JAK2: variants seen among roughly 807,000 people sequenced by gnomAD.
JAK2 encodes the protein Janus kinase 2.
Under a neutral mutation model 139.3 loss-of-function variants are expected in JAK2, and 86 were observed. The observed-to-expected ratio is 0.62, with a 90% CI of 0.52 to 0.74. The LOEUF (loss-of-function observed/expected upper bound fraction) is 0.74. Ranked by LOEUF, JAK2 falls within the 30% of genes least tolerant of loss-of-function variation. The pLI, the probability that JAK2 is intolerant of heterozygous loss-of-function variation, is 0.00. For synonymous variants in JAK2, 490 were observed against 437.7 expected (o/e 1.12, Z -1.49); for missense variants, 1,421 against 1,360.3 (o/e 1.04, Z -0.70).
intron 10 of JAK2, among the ~76,000 whole-genome samples, chr9:5,067,121 A>G (rs898462964): frequency 1.3e-5 from 2 of 152,184 alleles, no homozygotes; most frequent in Non-Finnish European, 2.9e-5. Flanking sequence ...TCTTTGCCAC[A>G]TCATGTAGAA....
Position 5,128,291 on chromosome 9 carries a change from A to C in JAK2, c.*1500A>C, listed in dbSNP as rs1586851065. On this transcript the variant is annotated 3_prime_UTR_variant, in exon 25 of 25. Coordinates refer to ENST00000381652, the MANE Select transcript of JAK2 (RefSeq NM_004972.4). ...GTTTTTTACATTCATTATTATACTT[A>C]AAGCATTTTTAAAGCATTTTAATAG... 1.3e-5 allele frequency: 3 copies of C among 226,764 alleles called. No individual in the cohort carries two copies. The South Asian group carries it at 5.5e-4, about 41-fold the overall frequency. 14.0% of individuals were successfully genotyped at this position (226,764 alleles called of 1,614,324 possible). A position where few individuals can be genotyped will look rare whatever the true frequency, so the allele number is the denominator to read the frequency against.
At chr9:5,113,091 C>G (rs560076105) in intron 22 of JAK2, among the ~76,000 whole-genome samples, 1 of 151,876 alleles carries the variant, frequency 6.6e-6, no homozygotes, top group African/African-American at 2.4e-5. Flanking sequence ...TCACTGCCCT[C>G]GCTCCCCCTG....
chr9:5,111,797 C>A (rs1388371641), intron 22 of JAK2: 11 of 424,032 alleles, frequency 2.6e-5, no homozygotes, highest in Middle Eastern at 4.9e-4. Flanking sequence ...CTCCTTGGCC[C>A]CCGGAGCCAC....
Position 5,065,054 on chromosome 9 carries a change from AC to A in JAK2, c.1214+15del, listed in dbSNP as rs1359993487. The A allele has an allele frequency of 1.3e-6, 2 of 1,499,662 alleles. No individual in the cohort carries two copies. Among genetic ancestry groups the A allele is most frequent in the Non-Finnish European group, 1.8e-6 (2 of 1,118,442 alleles). 92.9% of individuals were successfully genotyped at this position (1,499,662 alleles called of 1,614,324 possible). A position where few individuals can be genotyped will look rare whatever the true frequency, so the allele number is the denominator to read the frequency against. On this transcript the variant is annotated intron_variant, in intron 9 of 24. Coordinates refer to ENST00000381652, the MANE Select transcript of JAK2 (RefSeq NM_004972.4). ...TGGCCCAATTTCGTGAGTAATACAG[AC>A]TTAAAAGTAAATTTTTAGAAAAGTA...
At chr9:5,059,840 A>T (rs548491381) in intron 8 of JAK2, among the ~76,000 whole-genome samples, 2 of 152,288 alleles carry the variant, frequency 1.3e-5, no homozygotes, top group South Asian at 4.1e-4. Context: ...GTTCATCTGA[A>T]TATCCTTCTT....
At chr9:5,057,496 C>G (rs761557729) in intron 8 of JAK2, among the ~76,000 whole-genome samples, 1 of 151,630 alleles carries the variant, frequency 6.6e-6, no homozygotes, top group Non-Finnish European at 1.5e-5. Flanking sequence ...ACTCTTTTAT[C>G]TTGCAAAATT....
rs55930140 is a variant in JAK2 at position 5,090,783 on chromosome 9, G to A, written c.2931G>A (p.Leu977=). 1.2e-3 allele frequency: 1,887 copies of A among 1,613,164 alleles called. 34 individuals carry two copies. In the Admixed American group the frequency reaches 0.023, roughly 19 times the overall value. Reference sequence around the variant, plus strand: ...CAAAAAGGTATATCCACAGGGATCTGGCAACGAGAAATATATTGGTGGAGA... The same window carrying A: ...CAAAAAGGTATATCCACAGGGATCTAGCAACGAGAAATATATTGGTGGAGA... ...LGTKRYIHRD[L]ATRNILVENE... is the part of the protein sequence containing the mutation. The change falls in exon 22 of 25, where the codon CTG becomes CTA. Residue 977 remains leucine (L), a synonymous_variant. Transcript: ENST00000381652.
intron 4 of JAK2, among the ~76,000 whole-genome samples, chr9:5,036,175 T>C (rs1414400928): frequency 5.3e-5 from 8 of 152,162 alleles, no homozygotes; most frequent in Non-Finnish European, 1.2e-4. Flanking sequence ...ACAAGGGATG[T>C]GAAGGACCTC....
intron 2 of JAK2, among the ~76,000 whole-genome samples, chr9:5,005,175 C>G (rs1821214287): frequency 7.2e-6 from 1 of 138,904 alleles, no homozygotes; most frequent in Non-Finnish European, 1.5e-5. Context: ...GTCTTGAACT[C>G]CTGGTCTCAA....
In JAK2 at chr9:5,126,720, G is replaced by T; in HGVS notation, c.3328G>T (p.Val1110Leu). Residue 1110 changes from valine to leucine, a missense_variant, in exon 25 of 25, where the codon GTA becomes TTA. Val to Leu is a conservative substitution (Grantham distance 32). Transcript: ENST00000381652. ...MIMTECWNNN[V>L]NQRPSFRDLA... Reference sequence around the variant, plus strand: ...CATGACAGAATGCTGGAACAATAATGTAAATCAACGCCCCTCCTTTAGGGA... The same window carrying T: ...CATGACAGAATGCTGGAACAATAATTTAAATCAACGCCCCTCCTTTAGGGA... 2 of 1,610,894 alleles carry T rather than the reference G, an allele frequency of 1.2e-6. No individual in the cohort carries two copies. The highest frequency in any genetic ancestry group is 1.1e-5 in the South Asian group (1 of 90,928).
At chr9:5,057,890 T>C (rs557660995) in intron 8 of JAK2, among the ~76,000 whole-genome samples, 2 of 152,226 alleles carry the variant, frequency 1.3e-5, no homozygotes, top group South Asian at 2.1e-4. Context: ...CCCTCTACTT[T>C]CTTATTCTAT....
At chr9:5,102,850 AT>A (rs1821618179) in intron 22 of JAK2, among the ~76,000 whole-genome samples, 1 of 152,168 alleles carries the variant, frequency 6.6e-6, no homozygotes. Context: ...ATGCTGAGAG[AT>A]TTTGTCATTA....
chr9:5,073,489 T>A (rs1458170447), intron 13 of JAK2, among the ~76,000 whole-genome samples: 1 of 152,134 alleles, frequency 6.6e-6, no homozygotes, highest in Non-Finnish European at 1.5e-5. Flanking sequence ...CTCACTTTGA[T>A]CTCCATATTC....
At chr9:5,093,565 C>G (rs1040642398) in intron 22 of JAK2, among the ~76,000 whole-genome samples, 16 of 152,084 alleles carry the variant, frequency 1.1e-4, no homozygotes, top group African/African-American at 3.9e-4. Context: ...CAAATAAAAA[C>G]TCAAAAAGCC....
At position 5,054,702 on chromosome 9, in the gene JAK2, C is replaced by T. The variant is rs2130408950; in HGVS notation, c.754C>T (p.Leu252Phe). 1 of 1,613,384 alleles carries T rather than the reference C, an allele frequency of 6.2e-7. No homozygotes were observed. The highest frequency in any genetic ancestry group is 8.5e-7 in the Non-Finnish European group (1 of 1,179,460). The change falls in exon 7 of 25, where the codon CTT (leucine) becomes TTT (phenylalanine). Residue 252 changes from leucine (L) to phenylalanine (F), a missense_variant. Transcript: ENST00000381652. This position sits in a 1 kb window ranked among gnomAD's most constrained non-coding sequence, Gnocchi z 4.9. ...QCKATARNLK[L>F]KYLINLETLQ... ...CAAAGCCACTGCCAGAAACTTGAAA[C>T]TTAAGTATCTTATAAATCTGGAAAC... is the stretch of plus-strand genomic sequence containing the variant.
intron 2 of JAK2, among the ~76,000 whole-genome samples, chr9:5,013,220 A>AT (rs1465245776): frequency 1.3e-5 from 2 of 152,098 alleles, no homozygotes; most frequent in Admixed American, 6.5e-5. Context: ...TTCTTTTGTG[A>AT]TAAAAAAAAA....
chr9:5,095,873 T>C (rs1820947956), intron 22 of JAK2, among the ~76,000 whole-genome samples: 1 of 152,206 alleles, frequency 6.6e-6, no homozygotes, highest in Non-Finnish European at 1.5e-5. Context: ...ACCACATTTC[T>C]AGCACTTAGC....
intron 22 of JAK2, among the ~76,000 whole-genome samples, chr9:5,102,676 C>T (rs1315778165): frequency 1.3e-5 from 2 of 152,190 alleles, no homozygotes; most frequent in Admixed American, 6.5e-5. Flanking sequence ...GGAAGCCCAT[C>T]AGACTAACAG....
rs192453327 is a variant in JAK2 at position 5,127,967 on chromosome 9, T to C, written c.*1176T>C. On this transcript the variant is annotated 3_prime_UTR_variant, in exon 25 of 25. Coordinates refer to ENST00000381652, the MANE Select transcript of JAK2 (RefSeq NM_004972.4). ...TCATAACGTGTATCTTTAAGAAAAA[T>C]GAGCATACATCTTAAATCTTTTCAA... is the stretch of plus-strand genomic sequence containing the variant. 3.3e-4 allele frequency: 77 copies of C among 231,632 alleles called. No homozygotes were observed. Among genetic ancestry groups the C allele is most frequent in the African/African-American group, 1.6e-3 (73 of 45,344 alleles). 14.3% of individuals were successfully genotyped at this position (231,632 alleles called of 1,614,324 possible).
Sources: gnomAD v4.1 joint callset for allele counts (sites outside exome capture counted in the v4.1 genomes callset) on GRCh38, gnomAD v4.1.1 for gene constraint, Gnocchi (gnomAD v3.1) non-coding constraint, MANE v1.5 for transcripts, NCBI Gene and HGNC (gene_info 2026-07-23, HGNC 2026-07-21) for gene names.